CFAP61: variants seen among roughly 807,000 people sequenced by gnomAD.
CFAP61 encodes cilia- and flagella-associated protein 61.
Under a neutral mutation model 135.6 loss-of-function variants are expected in CFAP61, and 107 were observed. The ratio of observed to expected loss-of-function variants is 0.79; its 90% CI spans 0.67 to 0.93. The LOEUF is 0.93. CFAP61 is among the 40% of genes least tolerant of loss of function. CFAP61 has a pLI of 0.00. For synonymous variants in CFAP61, 575 were observed against 578.5 expected (o/e 0.99, Z 0.09); for missense variants, 1,507 against 1,556.2 (o/e 0.97, Z 0.53).
Position 20,075,199 on chromosome 20 carries a change from A to G in CFAP61, c.382A>G (p.Lys128Glu), listed in dbSNP as rs2045966492. The G allele has an allele frequency of 1.2e-6, 2 of 1,613,958 alleles. No homozygotes were observed. The highest frequency in any genetic ancestry group is 1.7e-6 in the Non-Finnish European group (2 of 1,179,980). ...CTCTTTCCTCACCAGAACCGTGTAT[A>G]AGGCAGTGCCAGAGCTGCACTTCAT... ...CCKEILRTVY[K>E]AVPELHFIFL... Residue 128 changes from lysine to glutamate, a missense_variant, in exon 5 of 27, where the codon AAG (lysine) becomes GAG (glutamate). Physicochemically the swap from Lys to Glu is moderately conservative, Grantham distance 56. Transcript: ENST00000245957.
intron 2 of CFAP61, among the ~76,000 whole-genome samples, chr20:20,058,309 G>T (rs1332127085): frequency 6.6e-6 from 1 of 152,138 alleles, no homozygotes; most frequent in African/African-American, 2.4e-5. Flanking sequence ...GATGTCCATT[G>T]GATGGAAACA....
intron 4 of CFAP61, 103 bp downstream of exon 4, chr20:20,074,481 C>T (rs2045927695): frequency 4.1e-6 from 4 of 971,042 alleles, no homozygotes; most frequent in Middle Eastern, 2.1e-4. Context: ...GTTTAATTTG[C>T]TTGTAATTTG....
Position 20,280,458 on chromosome 20 carries a change from C to T in CFAP61, c.2796+3000C>T, listed in dbSNP as rs183897380. On this transcript the variant is annotated intron_variant, in intron 22 of 26. Transcript: ENST00000245957. ...ACTTCATTACAGCAGCCCTAGGAAA[C>T]GAAAGCAGATGATGTCACAGTGTAT... Among the ~76,000 whole-genome samples the T allele has an allele frequency of 9.1e-4, 138 of 152,218 alleles. 1 individual carries two copies. Among genetic ancestry groups the T allele is most frequent in the African/African-American group, 2.6e-3 (106 of 41,564 alleles).
intron 8 of CFAP61, among the ~76,000 whole-genome samples, chr20:20,142,513 C>G (rs914236840): frequency 6.6e-6 from 1 of 152,186 alleles, no homozygotes; most frequent in East Asian, 1.9e-4. Flanking sequence ...TGAAAGGAAC[C>G]CATTGCCCAG....
intron 22 of CFAP61, among the ~76,000 whole-genome samples, chr20:20,285,893 C>T (rs1450305313): frequency 6.7e-6 from 1 of 148,902 alleles, no homozygotes; most frequent in Admixed American, 6.7e-5. Context: ...TGCCCTCCAG[C>T]CTGGGTGACA....
Position 20,263,064 on chromosome 20 carries a change from C to G in CFAP61, c.2437C>G (p.Leu813Val), listed in dbSNP as rs1185904215. Residue 813 changes from leucine to valine, a missense_variant, in exon 21 of 27, where the codon CTC becomes GTC. Leu to Val is a conservative substitution (Grantham distance 32). Coordinates refer to ENST00000245957, the MANE Select transcript of CFAP61 (RefSeq NM_015585.4). ...GAAAGTTCCTTGCAACCATTTCACTCTCAACGAGGAAGAGGATTGCTTTAA... is the reference window on the plus strand; with the variant it reads ...GAAAGTTCCTTGCAACCATTTCACTGTCAACGAGGAAGAGGATTGCTTTAA... ...TGKVPCNHFT[L>V]NEEEDCFKAL... The G allele has an allele frequency of 5.6e-6, 9 of 1,614,040 alleles. No homozygotes were observed. Among genetic ancestry groups the G allele is most frequent in the Non-Finnish European group, 7.6e-6 (9 of 1,179,926 alleles).
At chr20:20,212,426 A>G (rs1397305199) in intron 17 of CFAP61, among the ~76,000 whole-genome samples, 1 of 152,128 alleles carries the variant, frequency 6.6e-6, no homozygotes, top group Non-Finnish European at 1.5e-5. Flanking sequence ...GCACGTCTAC[A>G]TGTCGTCACT....
rs116838168 is a variant in CFAP61, at chr20:20,075,601, C to T, written c.552C>T (p.His184=). The change falls in exon 6 of 27, where the codon CAC becomes CAT. Residue 184 remains histidine (H), a synonymous_variant. Transcript: ENST00000245957. ...GGCACAGCCACTATCCTCAGCTGCA[C>T]GTTCGCAAAGCCAGGTACAGTTGGA... ...CHRHSHYPQL[H]VRKARVEDHD... 407 of 1,614,086 alleles carry T rather than the reference C, an allele frequency of 2.5e-4. 1 individual carries two copies. In the African/African-American group the frequency reaches 4.5e-3, roughly 18 times the overall value.
At position 20,143,030 on chromosome 20, in the gene CFAP61, T is replaced by C. The variant is rs1333438501; in HGVS notation, c.951+82T>C. 11 of 810,096 alleles carry C rather than the reference T, an allele frequency of 1.4e-5. No homozygotes were observed. The East Asian group carries it at 3.0e-4, about 22-fold the overall frequency. 50.2% of individuals were successfully genotyped at this position (810,096 alleles called of 1,614,324 possible). A position where few individuals can be genotyped will look rare whatever the true frequency, so the allele number is the denominator to read the frequency against. On this transcript the variant is annotated intron_variant, in intron 9 of 26. Transcript: ENST00000245957. ...GTGACATCAGGGGCATCTCTGGTGCTGGCGTCACTACGGAGAAGTTCTAAT... is the reference window on the plus strand; with the variant it reads ...GTGACATCAGGGGCATCTCTGGTGCCGGCGTCACTACGGAGAAGTTCTAAT...
chr20:20,117,681 A>G (rs2049254587), intron 8 of CFAP61, among the ~76,000 whole-genome samples: 1 of 152,118 alleles, frequency 6.6e-6, no homozygotes, highest in African/African-American at 2.4e-5. Context: ...TTTGGGTATT[A>G]CTGTCGTTTT....
chr20:20,153,682 A>T (rs2052640485), intron 9 of CFAP61, among the ~76,000 whole-genome samples: 1 of 152,170 alleles, frequency 6.6e-6, no homozygotes. Flanking sequence ...AACTCTGAAC[A>T]GACCAATAAC....
chr20:20,176,751 A>T (rs2054659173), intron 13 of CFAP61, among the ~76,000 whole-genome samples: 1 of 152,182 alleles, frequency 6.6e-6, no homozygotes, highest in South Asian at 2.1e-4. Flanking sequence ...GCATCAGGAT[A>T]AGTAGCTAAT....
chr20:20,196,826 T>G, intron 16 of CFAP61, 50 bp downstream of exon 16: 1 of 1,481,074 alleles, frequency 6.8e-7, no homozygotes, highest in Non-Finnish European at 9.4e-7. Flanking sequence ...GTTCACAGTG[T>G]TGTTGGTGTT....
rs73607404 is a variant in CFAP61, at chr20:20,197,279, C to G, written c.1797+503C>G. Among the ~76,000 whole-genome samples, 55 of 152,246 alleles carry G rather than the reference C, an allele frequency of 3.6e-4. 1 individual carries two copies. The East Asian group carries it at 0.01, about 28-fold the overall frequency. On this transcript the variant is annotated intron_variant, in intron 16 of 26. Coordinates refer to ENST00000245957, the MANE Select transcript of CFAP61 (RefSeq NM_015585.4). ...CGGAGATGCCTGATGCCGATGTAAC[C>G]CCATGTAACACTTGCCACATTTGCA...
At chr20:20,206,042 T>C (rs375271749) in intron 17 of CFAP61, among the ~76,000 whole-genome samples, 1 of 152,104 alleles carries the variant, frequency 6.6e-6, no homozygotes, top group Non-Finnish European at 1.5e-5. Flanking sequence ...ATTACTGGCA[T>C]GATCAACAAG....
At chr20:20,179,186 G>C (rs1445411695) in intron 13 of CFAP61, among the ~76,000 whole-genome samples, 1 of 152,064 alleles carries the variant, frequency 6.6e-6, no homozygotes, top group African/African-American at 2.4e-5. Flanking sequence ...AAAGTCTCAG[G>C]ATACAAAATC....
chr20:20,069,618 A>G (rs2045564904), intron 2 of CFAP61: 1 of 399,888 alleles, frequency 2.5e-6, no homozygotes, highest in East Asian at 7.2e-5. Flanking sequence ...ATTTCAACGT[A>G]TAGTTACCTC....
chr20:20,102,714 C>T (rs926103970), intron 8 of CFAP61, among the ~76,000 whole-genome samples: 1 of 152,046 alleles, frequency 6.6e-6, no homozygotes, highest in African/African-American at 2.4e-5. Context: ...TATTAGTTGC[C>T]TTTCCTTCCC....
At chr20:20,131,667 T>C (rs2424256) in intron 8 of CFAP61, among the ~76,000 whole-genome samples, 136,904 of 151,656 alleles carry the variant, frequency 0.9, 62,616 homozygotes, top group Middle Eastern at 0.99. Flanking sequence ...TTTGTATTCC[T>C]GGGCTTATTT....
Sources: allele counts gnomAD v4.1 joint callset (sites outside exome capture counted in the v4.1 genomes callset), GRCh38; gene constraint gnomAD v4.1.1; transcripts MANE v1.5; gene names NCBI Gene and HGNC (gene_info 2026-07-23, HGNC 2026-07-21).